The following SETBP1 variants were observed in gnomAD, a reference collection of about 807,000 sequenced individuals.
SETBP1 encodes the protein SET binding protein 1, also known as SET-binding protein.
SETBP1 carries 9 observed loss-of-function variants against 101.0 expected under a neutral mutation model. The ratio of observed to expected loss-of-function variants is 0.09; its 90% CI spans 0.05 to 0.16. SETBP1 has a LOEUF of 0.16. Among genes scored for constraint, SETBP1 ranks in the 10% least tolerant of loss-of-function variants. The pLI is 1.00. For synonymous variants in SETBP1, 818 were observed against 788.5 expected, an observed-to-expected ratio of 1.04 and a Z score of -0.63; for missense variants, 1,858 against 2,033.8, an observed-to-expected ratio of 0.91 and a Z score of 1.66.
At chr18:44,823,358 G>T (rs1242574620) in intron 2 of SETBP1, among the ~76,000 whole-genome samples, 2 of 152,130 alleles carry the variant, frequency 1.3e-5, no homozygotes, top group Non-Finnish European at 2.9e-5. Flanking sequence ...CCATCTGAAG[G>T]AAAATACCAA....
chr18:44,829,284 G>A (rs536263021), intron 2 of SETBP1, among the ~76,000 whole-genome samples: 9 of 152,096 alleles, frequency 5.9e-5, no homozygotes, highest in Admixed American at 1.3e-4. Context: ...TCAGAACATC[G>A]TATACATGTT....
chr18:45,032,060 C>T (rs1476671947), intron 4 of SETBP1, among the ~76,000 whole-genome samples: 1 of 152,122 alleles, frequency 6.6e-6, no homozygotes, highest in Non-Finnish European at 1.5e-5. Flanking sequence ...TGGAATTCTA[C>T]CCAACTTTTA....
At chr18:44,835,929 A>G (rs1188772113) in intron 2 of SETBP1, among the ~76,000 whole-genome samples, 1 of 152,258 alleles carries the variant, frequency 6.6e-6, no homozygotes, top group African/African-American at 2.4e-5. Context: ...TTCAAGAGGA[A>G]AGGCATTCTG....
intron 4 of SETBP1, among the ~76,000 whole-genome samples, chr18:45,027,715 T>C (rs1172544085): frequency 2.6e-5 from 4 of 152,210 alleles, no homozygotes; most frequent in Non-Finnish European, 5.9e-5. Flanking sequence ...GGAAGTGTTC[T>C]TACACGTGCG....
At chr18:44,814,298 T>A (rs2071928211) in intron 2 of SETBP1, among the ~76,000 whole-genome samples, 1 of 152,180 alleles carries the variant, frequency 6.6e-6, no homozygotes, top group African/African-American at 2.4e-5. Flanking sequence ...GCAAGATAGT[T>A]GTGGTAGAAA....
In SETBP1 at chr18:44,952,384, CAAA is replaced by C; in HGVS notation, c.3045_3047del (p.Lys1018del). ...CTTCGTAGGACTTCAGACTTGAAGT[CAAA>C]GAAGAAGCGTGGTAGGCCTGCAAAA... On this transcript the variant is annotated inframe_deletion, in exon 4 of 6. Transcript: ENST00000649279. The C allele has an allele frequency of 6.2e-7, 1 of 1,614,070 alleles. No homozygotes were observed. The highest frequency in any genetic ancestry group is 1.1e-5 in the South Asian group (1 of 91,076).
chr18:45,024,451 T>C (rs1312077363), intron 4 of SETBP1, among the ~76,000 whole-genome samples: 1 of 152,156 alleles, frequency 6.6e-6, no homozygotes, highest in Non-Finnish European at 1.5e-5. Flanking sequence ...AGGCAATATC[T>C]CTCTACCAGT....
At chr18:45,027,846 AG>A (rs1395205798) in intron 4 of SETBP1, among the ~76,000 whole-genome samples, 6 of 152,202 alleles carry the variant, frequency 3.9e-5, no homozygotes, top group Non-Finnish European at 8.8e-5. Flanking sequence ...GCTAAAATCA[AG>A]GAGAGCTCCA....
rs1283729931 is a variant in SETBP1, at chr18:44,885,852, AAAAAC to A, written c.540+16574_540+16578del. ...ATGTGCCCATTTCATTAAAAAAAAAAAAAACAAAAAAAAAAACAAGGTGACTTACC... is the reference window on the plus strand; with the variant it reads ...ATGTGCCCATTTCATTAAAAAAAAAAAAAAAAAAAAACAAGGTGACTTACC... On this transcript the variant is annotated intron_variant, in intron 3 of 5. Transcript: ENST00000649279. Among the ~76,000 whole-genome samples the A allele has an allele frequency of 6.2e-3, 267 of 42,788 alleles. 9 individuals are homozygous for A. The highest frequency in any genetic ancestry group is 0.011 in the African/African-American group (103 of 9,044). The allele number at this position is 42,788 out of a possible 152,430, so 28.1% of individuals were successfully genotyped here. A position where few individuals can be genotyped will look rare whatever the true frequency, so the allele number is the denominator to read the frequency against.
At position 45,067,797 on chromosome 18, in the gene SETBP1, A is replaced by G. The variant is rs573746170; in HGVS notation, c.*4099A>G. 1.3e-5 allele frequency: 2 copies of G among 152,344 alleles called. No individual in the cohort carries two copies. The highest frequency in any genetic ancestry group is 3.9e-4 in the East Asian group (2 of 5,188). 9.4% of individuals were successfully genotyped at this position (152,344 alleles called of 1,614,324 possible). On this transcript the variant is annotated 3_prime_UTR_variant, in exon 6 of 6. Transcript: ENST00000649279. The stretch of plus-strand genomic sequence containing the variant: ...CAGTCATTTGGGGAACAGTCTTAGA[A>G]GCACATATCAACCAAGGAAGAAACT...
intron 3 of SETBP1, among the ~76,000 whole-genome samples, chr18:44,879,649 A>G (rs901663587): frequency 3.3e-5 from 5 of 152,158 alleles, no homozygotes; most frequent in African/African-American, 1.2e-4. Context: ...GATTCACCTA[A>G]CCTTTCACTA....
intron 1 of SETBP1, among the ~76,000 whole-genome samples, chr18:44,681,881 G>A (rs1252094308): frequency 1.3e-5 from 2 of 151,780 alleles, no homozygotes; most frequent in African/African-American, 4.8e-5. Context: ...TATCCCTGCA[G>A]AAACTCTCCT....
At chr18:44,846,217 T>C (rs1292470707) in intron 2 of SETBP1, among the ~76,000 whole-genome samples, 3 of 152,316 alleles carry the variant, frequency 2.0e-5, no homozygotes, top group South Asian at 4.1e-4. Flanking sequence ...AATCCAGATA[T>C]CTAGTTTTGC....
intron 5 of SETBP1, among the ~76,000 whole-genome samples, chr18:45,051,621 G>A (rs1032714033): frequency 2.0e-5 from 3 of 152,068 alleles, no homozygotes; most frequent in African/African-American, 7.2e-5. Flanking sequence ...TCCTTCCCCC[G>A]CTTCTCTCTC....
intron 5 of SETBP1, among the ~76,000 whole-genome samples, chr18:45,045,711 T>C (rs895811672): frequency 7.2e-5 from 11 of 152,098 alleles, no homozygotes; most frequent in Admixed American, 5.9e-4. Context: ...ACTTCAGTGT[T>C]CATGTCTGTA....
chr18:44,906,548 A>G (rs2070180019), intron 3 of SETBP1, among the ~76,000 whole-genome samples: 1 of 152,242 alleles, frequency 6.6e-6, no homozygotes, highest in South Asian at 2.1e-4. Context: ...AAAAACATTC[A>G]ATATTCAGTA....
At chr18:44,834,075 G>T (rs1018346079) in intron 2 of SETBP1, among the ~76,000 whole-genome samples, 11 of 152,248 alleles carry the variant, frequency 7.2e-5, no homozygotes, top group African/African-American at 2.6e-4. Context: ...AAGAACATAG[G>T]ACTGGACTTC....
At chr18:44,751,117 T>TA (rs1312366692) in intron 2 of SETBP1, among the ~76,000 whole-genome samples, 1 of 152,212 alleles carries the variant, frequency 6.6e-6, no homozygotes, top group Admixed American at 6.5e-5. Context: ...CATGGCAAAG[T>TA]AAAGTTTTTT....
At chr18:44,756,901 C>G (rs1487157039) in intron 2 of SETBP1, among the ~76,000 whole-genome samples, 1 of 152,132 alleles carries the variant, frequency 6.6e-6, no homozygotes, top group African/African-American at 2.4e-5. Flanking sequence ...CTTAGGAGAG[C>G]ACCAGGGAAC....
Sources: gnomAD v4.1 joint callset for allele counts (sites outside exome capture counted in the v4.1 genomes callset) on GRCh38, gnomAD v4.1.1 for gene constraint, MANE v1.5 for transcripts, NCBI Gene and HGNC (gene_info 2026-07-23, HGNC 2026-07-21) for gene names.